The following ABCA7 variants were observed in gnomAD, a reference collection of about 807,000 sequenced individuals.
ABCA7 encodes the protein phospholipid-transporting ATPase ABCA7.
In ABCA7, 261 loss-of-function variants were observed where a neutral mutation model predicts 227.6. The ratio of observed to expected loss-of-function variants is 1.15; its 90% CI spans 1.04 to 1.27. The LOEUF (loss-of-function observed/expected upper bound fraction) is 1.27, where lower values mean the gene tolerates loss of function less well. Among genes scored for constraint, ABCA7 ranks in the 50% most tolerant of loss-of-function variants. ABCA7 has a pLI of 0.00. For synonymous variants in ABCA7, 1,488 were observed against 1,279.7 expected, an observed-to-expected ratio of 1.16 and a Z score of -3.47; for missense variants, 3,331 against 2,924.5, an observed-to-expected ratio of 1.14 and a Z score of -3.21.
At chr19:1,048,513 A>AAAAAAAAAAAC (rs2040971888) in intron 16 of ABCA7, among the ~76,000 whole-genome samples, 3 of 141,586 alleles carry the variant, frequency 2.1e-5, no homozygotes, top group African/African-American at 8.0e-5. Flanking sequence ...AAAAAAACAA[A>AAAAAAAAAAAC]AAAAAAAAAA....
Position 1,051,046 on chromosome 19 carries a change from T to C in ABCA7, c.2678T>C (p.Phe893Ser). 6.2e-7 allele frequency: 1 copy of C among 1,611,436 alleles called. No homozygotes were observed. The highest frequency in any genetic ancestry group is 8.5e-7 in the Non-Finnish European group (1 of 1,179,060). ...LGVCPQYNVL[F>S]DMLTVDEHVW... ...GTCTGTCCTCAGTACAACGTGCTGT[T>C]TGACATGTGCGTCTCGGCAGGCCCA... The change falls in exon 19 of 47, where the codon TTT (phenylalanine) becomes TCT (serine). Residue 893 changes from phenylalanine to serine, a missense_variant. Physicochemically the swap from Phe to Ser is radical, Grantham distance 155. Transcript: ENST00000263094.
chr19:1,054,119 T>C lies in ABCA7; in HGVS notation c.3577+9T>C, dbSNP rs1038846735. 6.2e-7 allele frequency: 1 copy of C among 1,613,010 alleles called. No individual in the cohort carries two copies. Among genetic ancestry groups the C allele is most frequent in the South Asian group, 1.1e-5 (1 of 91,066 alleles). ...GGAGAACGGGGAACCAGGTAAGTCC[T>C]TCCCAGTGGCCCTGGGGTCCTCCCA... is the stretch of plus-strand genomic sequence containing the variant. On this transcript the variant is annotated intron_variant, in intron 26 of 46. Transcript: ENST00000263094. This position sits in a 1 kb window ranked among gnomAD's most constrained non-coding sequence, Gnocchi z 4.8.
Position 1,043,244 on chromosome 19 carries a change from C to T in ABCA7, c.783C>T (p.Ser261=). 2 of 1,607,214 alleles carry T rather than the reference C, an allele frequency of 1.2e-6. No homozygotes were observed. The highest frequency in any genetic ancestry group is 1.7e-6 in the Non-Finnish European group (2 of 1,175,326). The part of the protein sequence containing the change: ...GQEPESALPD[S]SLSPACSELI... ...AGCCAGAATCCGCCCTGCCAGACAG[C>T]AGCCTGAGTGAGTGACTGACCTCGG... Residue 261 remains serine, a synonymous_variant, in exon 8 of 47, where the codon AGC becomes AGT. Transcript: ENST00000263094.
Position 1,056,898 on chromosome 19 carries a change from C to T in ABCA7, c.4587-9C>T. ...CACCCTACAACAGCTCTCATGTCTT[C>T]ACCTCCAGGATGGCCTCCTCGGTGG... On this transcript the variant is annotated splice_polypyrimidine_tract_variant and intron_variant, in intron 33 of 46. Coordinates refer to ENST00000263094, the MANE Select transcript of ABCA7 (RefSeq NM_019112.4). This position sits in a 1 kb window ranked among gnomAD's most constrained non-coding sequence, Gnocchi z 4.3. The T allele has an allele frequency of 6.2e-7, 1 of 1,611,482 alleles. No individual in the cohort carries two copies. The highest frequency in any genetic ancestry group is 8.5e-7 in the Non-Finnish European group (1 of 1,178,344).
At chr19:1,064,087 G>A in intron 44 of ABCA7, 74 bp from the exon 45 acceptor site, 1 of 1,458,414 alleles carries the variant, frequency 6.9e-7, no homozygotes, top group African/African-American at 1.4e-5. Context: ...GCCCAGGCCG[G>A]GGGAAGCAGG....
At position 1,056,185 on chromosome 19, in the gene ABCA7, G is replaced by A. The variant is rs140809830; in HGVS notation, c.4358G>A (p.Arg1453His). ...CCCCTGCCTGGCGGGGCCCTCGACC[G>A]TGTCCTGAAAAACCTCACAGCCTGG... The part of the protein sequence containing the change: ...LSPLPGGALD[R>H]VLKNLTAWAH... Residue 1453 changes from arginine (R) to histidine (H), a missense_variant, in exon 32 of 47, where the codon CGT (arginine) becomes CAT (histidine). Arg to His is a conservative substitution (Grantham distance 29, BLOSUM62 0). Coordinates refer to ENST00000263094, the MANE Select transcript of ABCA7 (RefSeq NM_019112.4). This position sits in a 1 kb window ranked among gnomAD's most constrained non-coding sequence, Gnocchi z 4.3. The A allele has an allele frequency of 4.4e-5, 70 of 1,606,648 alleles. No homozygotes were observed. The Middle Eastern group carries it at 6.6e-4, about 15-fold the overall frequency.
chr19:1,052,192 C>G, intron 22 of ABCA7, 22 bp from the exon 23 acceptor site: 1 of 1,599,944 alleles, frequency 6.3e-7, no homozygotes, highest in Non-Finnish European at 8.5e-7. Context: ...GGCCAAGCCA[C>G]TTGGTGCCTC....
At chr19:1,048,386 C>G (rs898887571) in intron 16 of ABCA7, among the ~76,000 whole-genome samples, 3 of 146,088 alleles carry the variant, frequency 2.1e-5, no homozygotes, top group Non-Finnish European at 3.0e-5. Flanking sequence ...TTCCTAGCTA[C>G]TTGGAAGGCA....
At chr19:1,055,479 C>T in intron 30 of ABCA7, 128 bp downstream of exon 30, 1 of 934,604 alleles carries the variant, frequency 1.1e-6, no homozygotes. Context: ...GGCTGGGAGT[C>T]TCGCGTACCT....
chr19:1,044,527 A>C, intron 10 of ABCA7, 50 bp from the exon 11 acceptor site: 1 of 1,578,476 alleles, frequency 6.3e-7, no homozygotes, highest in South Asian at 1.1e-5. Flanking sequence ...GATTACAGGC[A>C]TGAGCCACTG....
chr19:1,059,237 T>TATA (rs1370751346), intron 40 of ABCA7, 152 bp downstream of exon 40: 6 of 354,634 alleles, frequency 1.7e-5, no homozygotes, highest in Non-Finnish European at 2.8e-5. Flanking sequence ...CTATTTTTAT[T>TATA]TTATTATATT....
Position 1,048,916 on chromosome 19 carries a change from C to T in ABCA7, c.2291C>T (p.Pro764Leu). The T allele has an allele frequency of 6.2e-7, 1 of 1,609,214 alleles. No individual in the cohort carries two copies. The highest frequency in any genetic ancestry group is 8.5e-7 in the Non-Finnish European group (1 of 1,178,136). Residue 764 changes from proline to leucine, a missense_variant, in exon 17 of 47, where the codon CCA (proline) becomes CTA (leucine). Transcript: ENST00000263094. ...GCAGGCCAGTACGGGATCCCTGAAC[C>T]ATGGAATTTTCCTTTTCGGAGGAGC... The part of the protein sequence containing the change: ...VCPGQYGIPE[P>L]WNFPFRRSYW...
In ABCA7 at chr19:1,063,872, G is replaced by C. The variant is rs1309910924; in HGVS notation, c.5951+9G>C. The C allele has an allele frequency of 6.6e-7, 1 of 1,524,694 alleles. No homozygotes were observed. The highest frequency in any genetic ancestry group is 2.0e-5 in the Admixed American group (1 of 50,370). The allele number at this position is 1,524,694 out of a possible 1,614,324, so 94.4% of individuals were successfully genotyped here. ...ATGCTCACCTCCCATAGGTGGGCCGGGCTCTGATGCCCTGGGCTGTGGTTA... is the reference window on the plus strand; with the variant it reads ...ATGCTCACCTCCCATAGGTGGGCCGCGCTCTGATGCCCTGGGCTGTGGTTA... On this transcript the variant is annotated intron_variant, in intron 44 of 46. Transcript: ENST00000263094.
rs1398052088 is a variant in ABCA7, at chr19:1,058,254, G to A, written c.5134G>A (p.Ala1712Thr). Residue 1712 changes from alanine (A) to threonine (T), a missense_variant, in exon 37 of 47, where the codon GCC becomes ACC. Ala to Thr is a moderately conservative substitution (Grantham distance 58). Transcript: ENST00000263094. ...GGTGCGGAACCAGGCCATGGCTGATGCCTTTGAGCGCTTGGGTGAGAACTT... is the reference window on the plus strand; with the variant it reads ...GGTGCGGAACCAGGCCATGGCTGATACCTTTGAGCGCTTGGGTGAGAACTT... Reference protein sequence around the residue: ...DMVRNQAMADAFERLGDRQFQ... With the variant: ...DMVRNQAMADTFERLGDRQFQ... 13 of 1,613,556 alleles carry A rather than the reference G, an allele frequency of 8.1e-6. No individual in the cohort carries two copies. Among genetic ancestry groups the A allele is most frequent in the Middle Eastern group, 1.7e-4 (1 of 5,918 alleles).
At chr19:1,058,340 T>C in intron 37 of ABCA7, 71 bp downstream of exon 37, 1 of 1,575,236 alleles carries the variant, frequency 6.3e-7, no homozygotes, top group South Asian at 1.2e-5. Context: ...GAGTTAATTA[T>C]ACAGAGTGGA....
At chr19:1,051,351 G>C (rs1265697169) in intron 20 of ABCA7, 57 bp downstream of exon 20, 2 of 1,500,634 alleles carry the variant, frequency 1.3e-6, no homozygotes, top group East Asian at 2.3e-5. Context: ...GATTCATCCT[G>C]AAGGCAGGGG....
chr19:1,058,877 A>C lies in ABCA7; in HGVS notation c.5337A>C (p.Glu1779Asp). 1 of 1,580,046 alleles carries C rather than the reference A, an allele frequency of 6.3e-7. No homozygotes were observed. The highest frequency in any genetic ancestry group is 8.6e-7 in the Non-Finnish European group (1 of 1,159,458). The change falls in exon 39 of 47, where the codon GAA becomes GAC. Residue 1779 changes from glutamate to aspartate, a missense_variant. Coordinates refer to ENST00000263094, the MANE Select transcript of ABCA7 (RefSeq NM_019112.4). Reference sequence around the variant, plus strand: ...AGGAGGACGAGGATGTAGCCCGTGAACGGGAGCGGGTGGTCCAAGGAGCCA... The same window carrying C: ...AGGAGGACGAGGATGTAGCCCGTGACCGGGAGCGGGTGGTCCAAGGAGCCA... ...LGEEDEDVAR[E>D]RERVVQGATQ...
intron 13 of ABCA7, 46 bp from the exon 14 acceptor site, chr19:1,046,756 G>A (rs1414996460): frequency 1.3e-6 from 2 of 1,509,130 alleles, no homozygotes; most frequent in South Asian, 2.4e-5. Flanking sequence ...CGGAGGGGGG[G>A]TCTGCGGAGG....
intron 6 of ABCA7, 151 bp from the exon 7 acceptor site, chr19:1,042,595 C>A (rs926819639): frequency 2.0e-6 from 2 of 1,014,346 alleles, no homozygotes; most frequent in Non-Finnish European, 3.0e-6. Flanking sequence ...TCTGTGAGAT[C>A]TCCAATGAGT....
Sources: gnomAD v4.1 joint callset for allele counts (sites outside exome capture counted in the v4.1 genomes callset) on GRCh38, gnomAD v4.1.1 for gene constraint, Gnocchi (gnomAD v3.1) non-coding constraint, MANE v1.5 for transcripts, NCBI Gene and HGNC (gene_info 2026-07-23, HGNC 2026-07-21) for gene names.